Variants in WDR43 observed in about 807,000 individuals in gnomAD.
The protein encoded by WDR43 is WD repeat-containing protein 43.
Under a neutral mutation model 91.4 loss-of-function variants are expected in WDR43, and 13 were observed. The observed-to-expected ratio is 0.14, with a 90% CI of 0.09 to 0.23. The LOEUF (loss-of-function observed/expected upper bound fraction) is 0.23, where lower values mean the gene tolerates loss of function less well. Among genes scored for constraint, WDR43 ranks in the 10% least tolerant of loss-of-function variants. The probability of loss-of-function intolerance (pLI) is 1.00; values close to 1 mark genes in which losing one functional copy is unlikely to be tolerated. For synonymous variants in WDR43, 331 were observed against 287.9 expected, an observed-to-expected ratio of 1.15 and a Z score of -1.51; for missense variants, 780 against 809.4, an observed-to-expected ratio of 0.96 and a Z score of 0.44.
intron 16 of WDR43, among the ~76,000 whole-genome samples, chr2:28,946,162 C>G (rs1481152329): frequency 2.0e-5 from 3 of 151,862 alleles, no homozygotes; most frequent in African/African-American, 7.3e-5. Flanking sequence ...ATGGTGAAAC[C>G]CTGTCTATAC....
intron 5 of WDR43, among the ~76,000 whole-genome samples, chr2:28,915,341 T>A (rs1194367338): frequency 6.6e-6 from 1 of 152,188 alleles, no homozygotes; most frequent in Non-Finnish European, 1.5e-5. Context: ...TTTTAGAGGG[T>A]CTAACAATTA....
At chr2:28,899,750 T>C (rs1670545473) in intron 1 of WDR43, among the ~76,000 whole-genome samples, 1 of 152,246 alleles carries the variant, frequency 6.6e-6, no homozygotes, top group African/African-American at 2.4e-5. Flanking sequence ...CATTAAAATG[T>C]ACATTGGTTA....
intron 1 of WDR43, among the ~76,000 whole-genome samples, chr2:28,896,460 G>A (rs1236885336): frequency 1.3e-5 from 2 of 152,190 alleles, no homozygotes; most frequent in African/African-American, 2.4e-5. Flanking sequence ...TCTGATATTT[G>A]TGTGGTTAGT....
rs556250794 is a variant in WDR43 at position 28,932,836 on chromosome 2, T to C, written c.1438-2685T>C. 3.3e-5 allele frequency among the ~76,000 whole-genome samples: 5 copies of C among 152,312 alleles called. No individual in the cohort carries two copies. In the South Asian group the frequency reaches 6.2e-4, roughly 19 times the overall value. Reference sequence around the variant, plus strand: ...GTATTTATGTAATTCATGGCATCCATAGGGGATATTTTTAAATATTTTAAA... The same window carrying C: ...GTATTTATGTAATTCATGGCATCCACAGGGGATATTTTTAAATATTTTAAA... On this transcript the variant is annotated intron_variant, in intron 11 of 17. Transcript: ENST00000407426.
At chr2:28,898,772 A>G (rs985004694) in intron 1 of WDR43, among the ~76,000 whole-genome samples, 5 of 152,064 alleles carry the variant, frequency 3.3e-5, no homozygotes, top group Admixed American at 1.3e-4. Context: ...GCTTGTTTCT[A>G]TATGTGTATT....
At position 28,937,926 on chromosome 2, in the gene WDR43, T is replaced by TC; in HGVS notation, c.1557-3dup. Reference sequence around the variant, plus strand: ...ACATTAGTTTACTTGGATTTTTTTTTCCAGTGCTGTGCTAATGGTTCAGTG... The same window carrying TC: ...ACATTAGTTTACTTGGATTTTTTTTTCCCAGTGCTGTGCTAATGGTTCAGTG... On this transcript the variant is annotated splice_region_variant and splice_polypyrimidine_tract_variant and intron_variant, in intron 13 of 17. Transcript: ENST00000407426. 2 of 1,612,232 alleles carry TC rather than the reference T, an allele frequency of 1.2e-6. No homozygotes were observed. Among genetic ancestry groups the TC allele is most frequent in the Non-Finnish European group, 1.7e-6 (2 of 1,178,438 alleles).
chr2:28,900,923 A>G (rs924615227), intron 1 of WDR43, among the ~76,000 whole-genome samples: 5 of 152,248 alleles, frequency 3.3e-5, no homozygotes, highest in Non-Finnish European at 7.3e-5. Context: ...TAGGATAACT[A>G]AAAGAAAAAA....
intron 2 of WDR43, among the ~76,000 whole-genome samples, chr2:28,903,019 C>A (rs1223542642): frequency 6.6e-6 from 1 of 152,014 alleles, no homozygotes; most frequent in East Asian, 1.9e-4. Flanking sequence ...AAGTCTGTCG[C>A]CGAGAGGTCC....
intron 6 of WDR43, among the ~76,000 whole-genome samples, chr2:28,919,866 A>G (rs1313569223): frequency 6.6e-6 from 1 of 151,800 alleles, no homozygotes; most frequent in African/African-American, 2.4e-5. Context: ...TTTTTTGGAG[A>G]CAGAGTCTCT....
At chr2:28,924,048 C>A (rs939313280) in intron 7 of WDR43, among the ~76,000 whole-genome samples, 4 of 152,136 alleles carry the variant, frequency 2.6e-5, no homozygotes, top group Non-Finnish European at 5.9e-5. Flanking sequence ...AGATAGGGAT[C>A]ATGAGATGCT....
At chr2:28,907,677 G>A (rs1002756500) in intron 3 of WDR43, among the ~76,000 whole-genome samples, 2 of 152,040 alleles carry the variant, frequency 1.3e-5, no homozygotes, top group Non-Finnish European at 2.9e-5. Context: ...AGGCCAAGGC[G>A]GGAGGATCAT....
At chr2:28,923,131 A>C (rs574669018) in intron 7 of WDR43, 148 bp downstream of exon 7, 1 of 656,976 alleles carries the variant, frequency 1.5e-6, no homozygotes, top group South Asian at 2.3e-5. Context: ...GACTATATAC[A>C]TTGCCAGTTA....
At chr2:28,924,124 G>C (rs1671086156) in intron 7 of WDR43, among the ~76,000 whole-genome samples, 1 of 152,198 alleles carries the variant, frequency 6.6e-6, no homozygotes, top group Non-Finnish European at 1.5e-5. Context: ...TGCGTAGGGT[G>C]TGAGGAGTTT....
intron 11 of WDR43, among the ~76,000 whole-genome samples, chr2:28,933,954 C>A (rs183587508): frequency 1.3e-3 from 191 of 152,242 alleles, no homozygotes; most frequent in Non-Finnish European, 2.0e-3. Context: ...GATGTATCCA[C>A]ATATGATGGA....
intron 6 of WDR43, among the ~76,000 whole-genome samples, chr2:28,922,706 C>G (rs909474286): frequency 2.0e-5 from 3 of 151,542 alleles, no homozygotes; most frequent in African/African-American, 7.3e-5. Flanking sequence ...CTGTTCTCTT[C>G]TTGGCTTAAA....
intron 3 of WDR43, among the ~76,000 whole-genome samples, chr2:28,909,967 C>A (rs1427229976): frequency 6.6e-6 from 1 of 152,158 alleles, no homozygotes; most frequent in Admixed American, 6.5e-5. Context: ...CCGTCAAATG[C>A]CAATATGTGT....
intron 16 of WDR43, among the ~76,000 whole-genome samples, chr2:28,945,156 C>T (rs1671522349): frequency 6.6e-6 from 1 of 152,008 alleles, no homozygotes; most frequent in South Asian, 2.1e-4. Flanking sequence ...GGGAGATGGG[C>T]ATGTAAGGGA....
At chr2:28,924,259 A>G (rs1412933623) in intron 7 of WDR43, among the ~76,000 whole-genome samples, 1 of 152,168 alleles carries the variant, frequency 6.6e-6, no homozygotes, top group Non-Finnish European at 1.5e-5. Flanking sequence ...CATTTAGAGT[A>G]ATGTTAGAAG....
intron 10 of WDR43, among the ~76,000 whole-genome samples, chr2:28,929,305 C>G (rs575331382): frequency 2.0e-5 from 3 of 152,206 alleles, no homozygotes; most frequent in South Asian, 4.1e-4. Context: ...TCTGAATCTT[C>G]ATTTAGAAGG....
Sources: gnomAD v4.1 joint callset for allele counts (sites outside exome capture counted in the v4.1 genomes callset) on GRCh38, gnomAD v4.1.1 for gene constraint, MANE v1.5 for transcripts, NCBI Gene and HGNC (gene_info 2026-07-23, HGNC 2026-07-21) for gene names.